GPR55: variants seen among roughly 807,000 people sequenced by gnomAD.
GPR55 encodes the protein G-protein coupled receptor 55.
GPR55 carries 6 observed loss-of-function variants against 7.9 expected under a neutral mutation model. The ratio of observed to expected loss-of-function variants is 0.76; its 90% CI spans 0.41 to 1.49. The LOEUF (loss-of-function observed/expected upper bound fraction) is 1.49. Among genes scored for constraint, GPR55 ranks in the 40% most tolerant of loss-of-function variants. The pLI is 0.01. For missense variants in GPR55, 376 were observed against 406.0 expected, an observed-to-expected ratio of 0.93 and a Z score of 0.63; for synonymous variants, 183 against 166.8, an observed-to-expected ratio of 1.10 and a Z score of -0.75.
rs918126549 is a variant in GPR55, at chr2:230,924,275, C to T, written c.-135+893G>A. ...GTGCTCCCTTTACAGCTGGGACAGC[C>T]GCTCAGAACCAAAGGCAAACCTTGC... On this transcript the variant is annotated intron_variant, in intron 1 of 1. Coordinates refer to ENST00000650999, the MANE Select transcript of GPR55 (RefSeq NM_005683.4). The surrounding 1 kb of genome is among the most constrained non-coding windows in gnomAD (Gnocchi z 4.5). 3.9e-5 allele frequency among the ~76,000 whole-genome samples: 6 copies of T among 152,200 alleles called. No individual in the cohort carries two copies. The highest frequency in any genetic ancestry group is 7.2e-5 in the African/African-American group (3 of 41,448).
intron 1 of GPR55, among the ~76,000 whole-genome samples, chr2:230,920,884 T>C (rs149723998): frequency 4.1e-4 from 63 of 152,256 alleles, no homozygotes; most frequent in African/African-American, 1.5e-3. Flanking sequence ...ATACTCCCTA[T>C]ATTAATCTAT....
chr2:230,950,809 C>A (rs1691390085), intron 1 of GPR55, among the ~76,000 whole-genome samples: 1 of 151,986 alleles, frequency 6.6e-6, no homozygotes, highest in Non-Finnish European at 1.5e-5. Context: ...GGACTCGTAT[C>A]TTCCCCCGCC....
chr2:230,910,638 C>G lies in GPR55; in HGVS notation c.325G>C (p.Val109Leu). The change falls in exon 2 of 2, where the codon GTC (valine) becomes CTC (leucine). Residue 109 changes from valine (V) to leucine (L), a missense_variant. Coordinates refer to ENST00000650999, the MANE Select transcript of GPR55 (RefSeq NM_005683.4). The surrounding 1 kb of genome is among the most constrained non-coding windows in gnomAD (Gnocchi z 5.4). The stretch of plus-strand genomic sequence containing the variant: ...ATGCTGATGAAGCAGATGGTGAAGA[C>G]GCTTCCGTACATGCTGACGAAGTAA... The part of the protein sequence containing the change: ...CLYFVSMYGS[V>L]FTICFISMDR... 2 of 1,613,840 alleles carry G rather than the reference C, an allele frequency of 1.2e-6. No individual in the cohort carries two copies. Among genetic ancestry groups the G allele is most frequent in the Non-Finnish European group, 1.7e-6 (2 of 1,179,932 alleles).
At chr2:230,932,590 A>G (rs895970681) in intron 1 of GPR55, among the ~76,000 whole-genome samples, 3 of 152,244 alleles carry the variant, frequency 2.0e-5, no homozygotes, top group African/African-American at 7.2e-5. Context: ...AAAGCTCCGA[A>G]CAGAAGGACA....
At chr2:230,932,867 GCTCT>G (rs144563608) in intron 1 of GPR55, among the ~76,000 whole-genome samples, 4 of 150,248 alleles carry the variant, frequency 2.7e-5, no homozygotes, top group Admixed American at 6.6e-5. Flanking sequence ...CAGGACTGCT[GCTCT>G]CTCTCTCTCT....
At position 230,924,814 on chromosome 2, in the gene GPR55, C is replaced by T. The variant is rs533689560; in HGVS notation, c.-135+354G>A. On this transcript the variant is annotated intron_variant, in intron 1 of 1. Coordinates refer to ENST00000650999, the MANE Select transcript of GPR55 (RefSeq NM_005683.4). The surrounding 1 kb of genome is among the most constrained non-coding windows in gnomAD (Gnocchi z 4.5). ...GCGGGCTTGGTGGAGGGCGGTGGCA[C>T]GTGAGCTACATGCCCCGGGAAGGCT... Among the ~76,000 whole-genome samples the T allele has an allele frequency of 3.3e-5, 5 of 152,046 alleles. No homozygotes were observed. The highest frequency in any genetic ancestry group is 1.2e-4 in the African/African-American group (5 of 41,404).
At position 230,944,819 on chromosome 2, in the gene GPR55, G is replaced by A. The variant is rs1559178747; in HGVS notation, c.-135+15956C>T. Among the ~76,000 whole-genome samples, 1 of 152,216 alleles carries A rather than the reference G, an allele frequency of 6.6e-6. No homozygotes were observed. The highest frequency in any genetic ancestry group is 2.4e-5 in the African/African-American group (1 of 41,458). On this transcript the variant is annotated intron_variant, in intron 1 of 1. Coordinates refer to the GPR55 transcript ENST00000392039. This position sits in a 1 kb window ranked among gnomAD's most constrained non-coding sequence, Gnocchi z 4.2. ...GGCCACGGTATCAAAGACAAGGAAG[G>A]CCCATTGCCTGCCCTCATGCTGGTT...
intron 1 of GPR55, among the ~76,000 whole-genome samples, chr2:230,939,208 G>A (rs1691181458): frequency 6.6e-6 from 1 of 152,232 alleles, no homozygotes; most frequent in African/African-American, 2.4e-5. Context: ...GTTCTGGGGG[G>A]GCAGGGCTCT....
chr2:230,958,909 C>T (rs191537134), intron 1 of GPR55, among the ~76,000 whole-genome samples: 12 of 152,200 alleles, frequency 7.9e-5, no homozygotes, highest in African/African-American at 2.4e-4. Context: ...CTTTATTAGC[C>T]GGCATTCTTC....
intron 1 of GPR55, among the ~76,000 whole-genome samples, chr2:230,934,643 G>A (rs1691104219): frequency 6.6e-6 from 1 of 152,192 alleles, no homozygotes; most frequent in Non-Finnish European, 1.5e-5. Flanking sequence ...AGCCTCCCCT[G>A]GGGAAGATTA....
chr2:230,921,593 T>A (rs1428363963), intron 1 of GPR55, among the ~76,000 whole-genome samples: 1 of 152,254 alleles, frequency 6.6e-6, no homozygotes, highest in East Asian at 1.9e-4. Flanking sequence ...TGCTGAAATA[T>A]TGTAAAGAAA....
At chr2:230,933,768 G>T (rs1482566031) in intron 1 of GPR55, among the ~76,000 whole-genome samples, 2 of 152,204 alleles carry the variant, frequency 1.3e-5, no homozygotes, top group African/African-American at 4.8e-5. Context: ...GCAGGGCGGG[G>T]GCTCCCTTGG....
In GPR55 at chr2:230,910,645, G is replaced by A. The variant is rs139163265; in HGVS notation, c.318C>T (p.Tyr106=). Residue 106 remains tyrosine (Y), a synonymous_variant, in exon 2 of 2, where the codon TAC becomes TAT. Transcript: ENST00000650999. This position sits in a 1 kb window ranked among gnomAD's most constrained non-coding sequence, Gnocchi z 5.4. ...LVECLYFVSM[Y]GSVFTICFIS... ...TGAAGCAGATGGTGAAGACGCTTCC[G>A]TACATGCTGACGAAGTAAAGGCACT... The A allele has an allele frequency of 1.8e-5, 29 of 1,613,676 alleles. No individual in the cohort carries two copies. The highest frequency in any genetic ancestry group is 5.3e-5 in the African/African-American group (4 of 75,010).
chr2:230,927,417 G>T (rs899916558), upstream of GPR55, among the ~76,000 whole-genome samples: 2 of 152,234 alleles, frequency 1.3e-5, no homozygotes, highest in South Asian at 4.1e-4. Context: ...GCTAGGCAGG[G>T]ACTCGCCCAA....
At chr2:230,945,429 A>C (rs1213619054) in intron 1 of GPR55, among the ~76,000 whole-genome samples, 1 of 152,204 alleles carries the variant, frequency 6.6e-6, no homozygotes, top group Non-Finnish European at 1.5e-5. Flanking sequence ...AGGGGAAAAA[A>C]AAAGGGGTGA....
intron 1 of GPR55, among the ~76,000 whole-genome samples, chr2:230,951,297 C>A (rs1257249527): frequency 2.0e-5 from 3 of 152,130 alleles, no homozygotes; most frequent in African/African-American, 7.2e-5. Flanking sequence ...AGTGGGACAA[C>A]CCCCCACACA....
upstream of GPR55, among the ~76,000 whole-genome samples, chr2:230,928,346 G>T (rs1021023653): frequency 6.6e-6 from 1 of 152,096 alleles, no homozygotes; most frequent in Non-Finnish European, 1.5e-5. Context: ...GAGGCAGCCG[G>T]ACTCTGAAGA....
intron 1 of GPR55, among the ~76,000 whole-genome samples, chr2:230,946,907 A>G (rs1332570722): frequency 6.6e-6 from 1 of 152,260 alleles, no homozygotes; most frequent in Non-Finnish European, 1.5e-5. Flanking sequence ...TCTTTGAGAC[A>G]CACACCAAAC....
intron 1 of GPR55, among the ~76,000 whole-genome samples, chr2:230,922,501 G>A (rs1452990079): frequency 6.6e-6 from 1 of 152,124 alleles, no homozygotes; most frequent in Admixed American, 6.6e-5. Context: ...TCAGCCCTCC[G>A]AGTAGCTGGG....
Sources: allele counts gnomAD v4.1 joint callset (sites outside exome capture counted in the v4.1 genomes callset), GRCh38; gene constraint gnomAD v4.1.1; non-coding constraint Gnocchi (gnomAD v3.1); transcripts MANE v1.5; gene names NCBI Gene and HGNC (gene_info 2026-07-23, HGNC 2026-07-21).